The following IGFBPL1 variants were observed in gnomAD, a reference collection of about 807,000 sequenced individuals.
IGFBPL1 encodes insulin like growth factor binding protein like 1, also known as insulin-like growth factor-binding protein-like 1.
A neutral mutation model predicts 23.9 loss-of-function variants in IGFBPL1; 20 were observed. The ratio of observed to expected loss-of-function variants is 0.84; its 90% CI spans 0.59 to 1.22. The LOEUF is 1.22. IGFBPL1 is among the 50% of genes most tolerant of loss of function. The pLI, the probability that IGFBPL1 is intolerant of heterozygous loss-of-function variation, is 0.00. For missense variants in IGFBPL1, 436 were observed against 379.3 expected (o/e 1.15, Z -1.24); for synonymous variants, 184 against 171.8 (o/e 1.07, Z -0.56).
chr9:38,410,254 G>C (rs1039070652), intron 4 of IGFBPL1, among the ~76,000 whole-genome samples: 1 of 152,096 alleles, frequency 6.6e-6, no homozygotes, highest in East Asian at 1.9e-4. Flanking sequence ...ATGCCAAGGC[G>C]GGCGGATCAT....
chr9:38,412,627 C>T (rs1341115921), intron 3 of IGFBPL1, among the ~76,000 whole-genome samples: 1 of 152,200 alleles, frequency 6.6e-6, no homozygotes, highest in African/African-American at 2.4e-5. Flanking sequence ...AAAACAAACA[C>T]ATTTCTTTTC....
Position 38,414,030 on chromosome 9 carries a change from T to C in IGFBPL1, c.570+64A>G, listed in dbSNP as rs199712913. 586 of 747,334 alleles carry C rather than the reference T, an allele frequency of 7.8e-4. 5 individuals are homozygous for C. The highest frequency in any genetic ancestry group is 6.1e-3 in the Admixed American group (221 of 36,514). The allele number at this position is 747,334 out of a possible 1,614,324, so 46.3% of individuals were successfully genotyped here. A position where few individuals can be genotyped will look rare whatever the true frequency, so the allele number is the denominator to read the frequency against. ...ACCACTCACGTCTGTTTCTCCCTCT[T>C]TCTCACACACACACACACACACACA... On this transcript the variant is annotated intron_variant, in intron 2 of 4. Coordinates refer to ENST00000377694, the MANE Select transcript of IGFBPL1 (RefSeq NM_001007563.3).
chr9:38,424,046 C>T lies in IGFBPL1; in HGVS notation c.379G>A (p.Ala127Thr). 2 of 1,400,650 alleles carry T rather than the reference C, an allele frequency of 1.4e-6. No homozygotes were observed. Among genetic ancestry groups the T allele is most frequent in the Non-Finnish European group, 9.2e-7 (1 of 1,085,504 alleles). The allele number at this position is 1,400,650 out of a possible 1,614,324, so 86.8% of individuals were successfully genotyped here. A position where few individuals can be genotyped will look rare whatever the true frequency, so the allele number is the denominator to read the frequency against. ...SDGRSYPSVC[A>T]LRLRARHTPR... is the part of the protein sequence containing the mutation. ...GTGTGCCGAGCGCGCAGGCGCAGCG[C>T]GCAGACGCTGGGGTACGAGCGACCG... Residue 127 changes from alanine to threonine, a missense_variant, in exon 1 of 5, where the codon GCG (alanine) becomes ACG (threonine). Transcript: ENST00000377694.
Position 38,422,643 on chromosome 9 carries a change from G to A in IGFBPL1, c.460+1322C>T, listed in dbSNP as rs1332312816. Among the ~76,000 whole-genome samples the A allele has an allele frequency of 2.0e-5, 3 of 152,174 alleles. No homozygotes were observed. In the East Asian group the frequency reaches 5.8e-4, roughly 29 times the overall value. On this transcript the variant is annotated intron_variant, in intron 1 of 4. Transcript: ENST00000377694. ...GTCCAGGGCCACTCAGGGAGCCAGC[G>A]GCAGCACAGATGCACCCCCAGCCAG...
chr9:38,411,750 C>T (rs1444238587), intron 3 of IGFBPL1, among the ~76,000 whole-genome samples: 1 of 152,176 alleles, frequency 6.6e-6, no homozygotes, highest in Non-Finnish European at 1.5e-5. Context: ...GGCACGCTCC[C>T]TATTGTGGCT....
intron 1 of IGFBPL1, among the ~76,000 whole-genome samples, chr9:38,421,474 G>A (rs1821677857): frequency 6.6e-6 from 1 of 152,010 alleles, no homozygotes; most frequent in Admixed American, 6.6e-5. Context: ...CTCCTCAGAG[G>A]CATGTATAAG....
In IGFBPL1 at chr9:38,414,119, G is replaced by GGCACA; in HGVS notation, c.540_544dup (p.Pro182LeufsTer32). 1 of 1,611,870 alleles carries GGCACA rather than the reference G, an allele frequency of 6.2e-7. No homozygotes were observed. The highest frequency in any genetic ancestry group is 8.5e-7 in the Non-Finnish European group (1 of 1,178,594). ...CTTTCTCCACGTGATGACTGGGGTA[G>GGCACA]GCACAGCCCTCACTTCACAGGACAG... On this transcript the variant is annotated frameshift_variant, in exon 2 of 5. Coordinates refer to ENST00000377694, the MANE Select transcript of IGFBPL1 (RefSeq NM_001007563.3). LOFTEE classifies it high-confidence loss of function.
chr9:38,414,179 CG>C lies in IGFBPL1; in HGVS notation c.484del (p.Arg162GlufsTer17), dbSNP rs1201463109. 1.2e-6 allele frequency: 2 copies of C among 1,607,058 alleles called. No homozygotes were observed. Among genetic ancestry groups the C allele is most frequent in the Non-Finnish European group, 1.7e-6 (2 of 1,176,946 alleles). ...EFAPVVVVPP[R>X]SVHNVTGAQV... The stretch of plus-strand genomic sequence containing the variant: ...CGCCCCGGTGACGTTGTGAACACTT[CG>C]GGGAGGAACGACGACCACAGGAGCT... On this transcript the variant is annotated frameshift_variant, in exon 2 of 5. Transcript: ENST00000377694. LOFTEE classifies it high-confidence loss of function.
Position 38,414,210 on chromosome 9 carries a change from G to A in IGFBPL1, c.461-7C>T, listed in dbSNP as rs1250699645. 23 of 1,572,916 alleles carry A rather than the reference G, an allele frequency of 1.5e-5. No individual in the cohort carries two copies. The highest frequency in any genetic ancestry group is 1.8e-5 in the Non-Finnish European group (21 of 1,154,524). Reference sequence around the variant, plus strand: ...GGAACGACGACCACAGGAGCTAGGAGGAGGAGACAAGGAGACGCAGCCTTT... The same window carrying A: ...GGAACGACGACCACAGGAGCTAGGAAGAGGAGACAAGGAGACGCAGCCTTT... On this transcript the variant is annotated splice_polypyrimidine_tract_variant and splice_region_variant and intron_variant, in intron 1 of 4. Transcript: ENST00000377694.
Position 38,413,253 on chromosome 9 carries a change from G to T in IGFBPL1, c.671C>A (p.Ala224Asp), listed in dbSNP as rs778765477. Residue 224 changes from alanine (A) to aspartate (D), a missense_variant, in exon 3 of 5, where the codon GCC becomes GAC. Transcript: ENST00000377694. The stretch of plus-strand genomic sequence containing the variant: ...AACACTCACCAAAATCCAGGCCGTG[G>T]CCTCATGGTCAGAAGGGCCCCCTCG... ...QVRGGPSDHE[A>D]TAWILINPLR... is the part of the protein sequence containing the mutation. The T allele has an allele frequency of 2.5e-6, 4 of 1,610,990 alleles. No homozygotes were observed. The highest frequency in any genetic ancestry group is 3.4e-6 in the Non-Finnish European group (4 of 1,177,288).
At chr9:38,413,200 G>A in intron 3 of IGFBPL1, 37 bp downstream of exon 3, 1 of 1,254,218 alleles carries the variant, frequency 8.0e-7, no homozygotes, top group Non-Finnish European at 1.2e-6. Flanking sequence ...GGTTTATAAT[G>A]GTCAGTCAAT....
chr9:38,408,253 CAAAAAAAA>C lies in IGFBPL1; in HGVS notation c.*966_*973del, dbSNP rs35229194. Reference sequence around the variant, plus strand: ...GCAACATAGGGAGACCCTGTCTCTACAAAAAAAAAAAAAAAAAAAAAAAAAATAGCTGG... The same window carrying C: ...GCAACATAGGGAGACCCTGTCTCTACAAAAAAAAAAAAAAAAAATAGCTGG... On this transcript the variant is annotated 3_prime_UTR_variant, in exon 5 of 5. Transcript: ENST00000377694. 9.1e-4 allele frequency among the ~76,000 whole-genome samples: 64 copies of C among 70,202 alleles called. No homozygotes were observed. The highest frequency in any genetic ancestry group is 1.3e-3 in the Non-Finnish European group (47 of 35,766). 46.1% of individuals were successfully genotyped at this position (70,202 alleles called of 152,430 possible). A position where few individuals can be genotyped will look rare whatever the true frequency, so the allele number is the denominator to read the frequency against.
intron 4 of IGFBPL1, among the ~76,000 whole-genome samples, chr9:38,409,653 T>G (rs1821482479): frequency 6.6e-6 from 1 of 152,240 alleles, no homozygotes; most frequent in African/African-American, 2.4e-5. Context: ...TACGTGTATT[T>G]GAAAATTATA....
Position 38,406,581 on chromosome 9 carries a change from A to C in IGFBPL1, c.*2646T>G, listed in dbSNP as rs1821432681. ...GGTGCAGGGGTCGTGACATCATGAC[A>C]TCTACAAAAACGGTAGAAAAACCCA... On this transcript the variant is annotated 3_prime_UTR_variant, in exon 5 of 5. Coordinates refer to ENST00000377694, the MANE Select transcript of IGFBPL1 (RefSeq NM_001007563.3). Among the ~76,000 whole-genome samples the C allele has an allele frequency of 6.6e-6, 1 of 152,182 alleles. No individual in the cohort carries two copies. Among genetic ancestry groups the C allele is most frequent in the Non-Finnish European group, 1.5e-5 (1 of 68,030 alleles).
chr9:38,424,091 C>G lies in IGFBPL1; in HGVS notation c.334G>C (p.Gly112Arg). 1 of 1,370,862 alleles carries G rather than the reference C, an allele frequency of 7.3e-7. No individual in the cohort carries two copies. The highest frequency in any genetic ancestry group is 1.7e-5 in the South Asian group (1 of 59,974). The allele number at this position is 1,370,862 out of a possible 1,614,324, so 84.9% of individuals were successfully genotyped here. ...CGACCGTCGGAGCCGCAGACGGTGC[C>G]GCGCTGCGCGCACACGCAGAGCCCG... ...GTGLCVCAQR[G>R]TVCGSDGRSY... is the part of the protein sequence containing the mutation. The change falls in exon 1 of 5, where the codon GGC becomes CGC. Residue 112 changes from glycine to arginine, a missense_variant. Coordinates refer to ENST00000377694, the MANE Select transcript of IGFBPL1 (RefSeq NM_001007563.3).
Position 38,424,411 on chromosome 9 carries a change from G to T in IGFBPL1, c.14C>A (p.Ser5Tyr). ...CAGAAGCAGCAGCGGCAAGAGCAGA[G>T]ACAAGCGCGGCATGGCTTGCTCCGG... MPRLSLLLPLLLLLL... is the reference protein window; with the variant it reads MPRLYLLLPLLLLLL... Residue 5 changes from serine (S) to tyrosine (Y), a missense_variant, in exon 1 of 5, where the codon TCT (serine) becomes TAT (tyrosine). By Grantham distance (144) the Ser-to-Tyr change is moderately radical. Coordinates refer to ENST00000377694, the MANE Select transcript of IGFBPL1 (RefSeq NM_001007563.3). 1 of 609,760 alleles carries T rather than the reference G, an allele frequency of 1.6e-6. No individual in the cohort carries two copies. Among genetic ancestry groups the T allele is most frequent in the South Asian group, 1.7e-5 (1 of 57,562 alleles). The allele number at this position is 609,760 out of a possible 1,614,324, so 37.8% of individuals were successfully genotyped here. A position where few individuals can be genotyped will look rare whatever the true frequency, so the allele number is the denominator to read the frequency against.
At chr9:38,418,557 G>A (rs11789946) in intron 1 of IGFBPL1, among the ~76,000 whole-genome samples, 40,332 of 152,036 alleles carry the variant, frequency 0.27, 6,588 homozygotes, top group Non-Finnish European at 0.36. Flanking sequence ...CTCACTCTGG[G>A]GAGCCAAGCA....
intron 1 of IGFBPL1, among the ~76,000 whole-genome samples, chr9:38,419,633 C>T (rs1821646703): frequency 6.6e-6 from 1 of 152,172 alleles, no homozygotes; most frequent in Non-Finnish European, 1.5e-5. Flanking sequence ...CATTAACTTG[C>T]TGTCCGTAGG....
intron 1 of IGFBPL1, among the ~76,000 whole-genome samples, chr9:38,418,871 A>G (rs1366001089): frequency 2.6e-5 from 4 of 152,162 alleles, no homozygotes. Flanking sequence ...GAGCAAAAAC[A>G]GTACCAGAGG....
Sources: allele counts gnomAD v4.1 joint callset (sites outside exome capture counted in the v4.1 genomes callset), GRCh38; gene constraint gnomAD v4.1.1; transcripts MANE v1.5; gene names NCBI Gene and HGNC (gene_info 2026-07-23, HGNC 2026-07-21).